The following SLMAP variants were observed in gnomAD, a reference collection of about 807,000 sequenced individuals.
SLMAP encodes the protein sarcolemma associated protein, also known as sarcolemmal membrane-associated protein.
In SLMAP, 44 loss-of-function variants were observed where a neutral mutation model predicts 128.8. The observed-to-expected ratio is 0.34, with a 90% CI of 0.27 to 0.44. SLMAP has a LOEUF of 0.44. Among genes scored for constraint, SLMAP ranks in the 20% least tolerant of loss-of-function variants. SLMAP has a pLI of 1.00. For missense variants in SLMAP, 787 were observed against 985.3 expected (o/e 0.80, Z 2.69); for synonymous variants, 327 against 348.8 (o/e 0.94, Z 0.70).
intron 2 of SLMAP, among the ~76,000 whole-genome samples, chr3:57,792,800 T>C (rs2085790045): frequency 6.6e-6 from 1 of 152,058 alleles, no homozygotes; most frequent in Non-Finnish European, 1.5e-5. Context: ...TTTAAAGAAA[T>C]GTAAAAAGTC....
intron 22 of SLMAP, among the ~76,000 whole-genome samples, chr3:57,919,655 A>C (rs866092601): frequency 6.6e-6 from 1 of 151,874 alleles, no homozygotes; most frequent in Non-Finnish European, 1.5e-5. Context: ...TTAGCCAGGC[A>C]TGGTGGCGCA....
intron 2 of SLMAP, among the ~76,000 whole-genome samples, chr3:57,829,731 C>T (rs1299488380): frequency 1.3e-5 from 2 of 152,132 alleles, no homozygotes; most frequent in Admixed American, 6.6e-5. Context: ...TTATAGACAG[C>T]CTAGTGGCCT....
At chr3:57,898,952 C>T (rs1313149023) in intron 17 of SLMAP, 1 of 152,026 alleles carries the variant, frequency 6.6e-6, no homozygotes, top group Non-Finnish European at 1.5e-5. Flanking sequence ...GACCACTTAC[C>T]ATGGTGTTGG....
intron 13 of SLMAP, among the ~76,000 whole-genome samples, chr3:57,867,203 G>A (rs1022355260): frequency 1.3e-4 from 19 of 151,902 alleles, no homozygotes; most frequent in African/African-American, 2.4e-5. Context: ...AAACAAAACA[G>A]TCAATCAGTC....
At chr3:57,800,151 A>C (rs1268954942) in intron 2 of SLMAP, 1 of 152,244 alleles carries the variant, frequency 6.6e-6, no homozygotes, top group Non-Finnish European at 1.5e-5. Flanking sequence ...AGTTGTATCA[A>C]CATCGGTTTC....
At chr3:57,823,219 T>G (rs1213197281) in intron 2 of SLMAP, among the ~76,000 whole-genome samples, 1 of 152,228 alleles carries the variant, frequency 6.6e-6, no homozygotes, top group Non-Finnish European at 1.5e-5. Context: ...ATTTATTTTT[T>G]TATTTTTCTT....
At chr3:57,886,668 G>A (rs2095897661) in intron 14 of SLMAP, among the ~76,000 whole-genome samples, 2 of 149,374 alleles carry the variant, frequency 1.3e-5, no homozygotes, top group African/African-American at 2.5e-5. Context: ...TCCAGAGGGG[G>A]AGAATAAGGG....
In SLMAP at chr3:57,864,598, A is replaced by G. The variant is rs1490354448; in HGVS notation, c.1017A>G (p.Lys339=). 6.3e-7 allele frequency: 1 copy of G among 1,591,142 alleles called. No homozygotes were observed. The highest frequency in any genetic ancestry group is 1.9e-5 in the Admixed American group (1 of 52,980). Residue 339 remains lysine, a synonymous_variant, in exon 11 of 25, where the codon AAA becomes AAG. Coordinates refer to ENST00000671191, the MANE Select transcript of SLMAP (RefSeq NM_001377540.1). The stretch of plus-strand genomic sequence containing the variant: ...TCCAACAGAAGGGACAGGCTGAGAA[A>G]AAAGAATTACAACATAAAATAGATG... ...EEIQQKGQAE[K]KELQHKIDEM... is the part of the protein sequence containing the mutation.
At chr3:57,794,519 A>AC (rs2086257006) in intron 2 of SLMAP, among the ~76,000 whole-genome samples, 1 of 152,316 alleles carries the variant, frequency 6.6e-6, no homozygotes, top group Admixed American at 6.5e-5. Context: ...CGCATCTATT[A>AC]CCGCTACCTA....
intron 14 of SLMAP, among the ~76,000 whole-genome samples, chr3:57,885,153 AC>A (rs60509958): frequency 0.016 from 2,430 of 151,738 alleles, 74 homozygotes; most frequent in African/African-American, 0.056. Context: ...GCTCACCACA[AC>A]CTCCACCACC....
At chr3:57,810,705 G>A (rs554870965) in intron 2 of SLMAP, among the ~76,000 whole-genome samples, 67 of 152,266 alleles carry the variant, frequency 4.4e-4, no homozygotes, top group Admixed American at 5.9e-4. Flanking sequence ...CCAGTGGTCA[G>A]CGTTTGTCCC....
chr3:57,921,519 A>G (rs917528635), intron 22 of SLMAP, among the ~76,000 whole-genome samples: 3 of 151,890 alleles, frequency 2.0e-5, no homozygotes, highest in Non-Finnish European at 4.4e-5. Context: ...GCAGCTACTC[A>G]GGAGGCTGAA....
chr3:57,756,408 T>A (rs1364495691), intron 1 of SLMAP, 66 bp downstream of exon 1: 1 of 152,458 alleles, frequency 6.6e-6, no homozygotes, highest in African/African-American at 2.4e-5. Flanking sequence ...CTCCAAATCC[T>A]CGTAGCCTGC....
chr3:57,879,151 T>C (rs2153630780), intron 14 of SLMAP, among the ~76,000 whole-genome samples: 1 of 152,332 alleles, frequency 6.6e-6, no homozygotes, highest in South Asian at 2.1e-4. Context: ...AGCCACCATA[T>C]TCAGCCTCCT....
chr3:57,767,393 A>G (rs1430490306), intron 2 of SLMAP, among the ~76,000 whole-genome samples: 1 of 152,222 alleles, frequency 6.6e-6, no homozygotes, highest in Non-Finnish European at 1.5e-5. Context: ...TGCAGTGTTA[A>G]AGGGCAGAAA....
chr3:57,898,256 CT>C (rs1177929690), intron 17 of SLMAP: 1 of 152,104 alleles, frequency 6.6e-6, no homozygotes, highest in Non-Finnish European at 1.5e-5. Context: ...ATCCAGAACT[CT>C]CATCTCAGAA....
At chr3:57,852,341 A>G (rs760032198) in intron 6 of SLMAP, among the ~76,000 whole-genome samples, 2 of 152,248 alleles carry the variant, frequency 1.3e-5, no homozygotes, top group African/African-American at 2.4e-5. Context: ...GGCATAATGT[A>G]TGCATAGAAA....
chr3:57,908,864 C>T (rs1164012587), intron 18 of SLMAP, among the ~76,000 whole-genome samples: 2 of 152,190 alleles, frequency 1.3e-5, no homozygotes, highest in Non-Finnish European at 2.9e-5. Context: ...GAAAACTCCA[C>T]TACTCAGTTG....
intron 17 of SLMAP, chr3:57,899,280 G>A (rs954596721): frequency 6.6e-6 from 1 of 152,126 alleles, no homozygotes; most frequent in Non-Finnish European, 1.5e-5. Flanking sequence ...CAAGGAACAG[G>A]GAATGAAAGG....
Sources: allele counts gnomAD v4.1 joint callset (sites outside exome capture counted in the v4.1 genomes callset), GRCh38; gene constraint gnomAD v4.1.1; transcripts MANE v1.5; gene names NCBI Gene and HGNC (gene_info 2026-07-23, HGNC 2026-07-21).